Variants in RBM19 observed in about 807,000 individuals in gnomAD.
RBM19 encodes the protein probable RNA-binding protein 19.
In RBM19, 94 loss-of-function variants were observed where a neutral mutation model predicts 116.8. The ratio of observed to expected loss-of-function variants is 0.80; its 90% CI spans 0.68 to 0.95. The LOEUF is 0.95. Ranked by LOEUF, RBM19 falls within the 40% of genes least tolerant of loss-of-function variation. RBM19 has a pLI of 0.00. For missense variants in RBM19, 1,161 were observed against 1,220.7 expected (o/e 0.95, Z 0.73); for synonymous variants, 475 against 494.1 (o/e 0.96, Z 0.51).
At chr12:113,851,734 GTTTTTT>G (rs11361920) in intron 22 of RBM19, among the ~76,000 whole-genome samples, 6 of 144,226 alleles carry the variant, frequency 4.2e-5, no homozygotes, top group Non-Finnish European at 9.0e-5. Flanking sequence ...TTGTGGTAAA[GTTTTTT>G]TTTTTTTTTT....
Position 113,823,174 on chromosome 12 carries a change from G to T in RBM19, c.*50C>A. 1 of 1,547,934 alleles carries T rather than the reference G, an allele frequency of 6.5e-7. No homozygotes were observed. The highest frequency in any genetic ancestry group is 8.8e-7 in the Non-Finnish European group (1 of 1,135,712). On this transcript the variant is annotated 3_prime_UTR_variant, in exon 24 of 24. Transcript: ENST00000261741. ...GGTGGTGAGTGCAGAAGCTGGAGCG[G>T]CTGTCCCGGTCCCCAGGGCCCCGGA...
chr12:113,833,484 G>A (rs1302004098), intron 23 of RBM19, among the ~76,000 whole-genome samples: 1 of 152,176 alleles, frequency 6.6e-6, no homozygotes, highest in Non-Finnish European at 1.5e-5. Flanking sequence ...TACAAGCTGG[G>A]CTTCCTGCCA....
At chr12:113,937,303 C>A in intron 15 of RBM19, 167 bp from the exon 16 acceptor site, 1 of 719,486 alleles carries the variant, frequency 1.4e-6, no homozygotes, top group Non-Finnish European at 2.2e-6. Context: ...TGTCTACTCC[C>A]TGAGGACAAC....
At chr12:113,919,913 C>A (rs1371263736) in intron 19 of RBM19, among the ~76,000 whole-genome samples, 1 of 152,166 alleles carries the variant, frequency 6.6e-6, no homozygotes, top group East Asian at 1.9e-4. Context: ...AGTGTGCTCA[C>A]AGCCCCCTAA....
intron 7 of RBM19, 116 bp from the exon 8 acceptor site, chr12:113,952,706 T>C: frequency 1.2e-6 from 1 of 812,812 alleles, no homozygotes; most frequent in Non-Finnish European, 2.0e-6. Flanking sequence ...CATTCTTTAG[T>C]TTTTCTCTTT....
intron 21 of RBM19, among the ~76,000 whole-genome samples, chr12:113,868,267 T>C (rs1878979325): frequency 6.6e-6 from 1 of 152,222 alleles, no homozygotes; most frequent in Non-Finnish European, 1.5e-5. Context: ...GCCTATGCTC[T>C]CCTTACCTGT....
intron 23 of RBM19, among the ~76,000 whole-genome samples, chr12:113,831,591 C>T (rs887622794): frequency 1.2e-4 from 19 of 152,220 alleles, no homozygotes; most frequent in Admixed American, 8.5e-4. Context: ...GAGAAATGGC[C>T]CGGCACAGCT....
intron 1 of RBM19, among the ~76,000 whole-genome samples, chr12:113,964,106 C>T (rs750424899): frequency 6.6e-6 from 1 of 152,224 alleles, no homozygotes; most frequent in Non-Finnish European, 1.5e-5. Flanking sequence ...AATAAGGACA[C>T]AGGCTTATCC....
intron 22 of RBM19, among the ~76,000 whole-genome samples, chr12:113,852,503 A>T (rs746729450): frequency 6.6e-6 from 1 of 152,252 alleles, no homozygotes; most frequent in Non-Finnish European, 1.5e-5. Flanking sequence ...ACCTGAACAG[A>T]AAAGTGGGGA....
intron 22 of RBM19, among the ~76,000 whole-genome samples, chr12:113,849,279 C>T (rs3782431): frequency 0.07 from 10,678 of 152,308 alleles, 672 homozygotes; most frequent in East Asian, 0.34. Flanking sequence ...AGATCCTCAG[C>T]CTGGTGCTGG....
downstream of RBM19, among the ~76,000 whole-genome samples, chr12:113,818,522 G>A (rs774169133): frequency 6.6e-6 from 1 of 152,236 alleles, no homozygotes; most frequent in Non-Finnish European, 1.5e-5. Flanking sequence ...GACATCTGCT[G>A]GGTGCAGCCC....
chr12:113,918,328 G>T, intron 20 of RBM19, 64 bp downstream of exon 20: 7 of 1,527,470 alleles, frequency 4.6e-6, no homozygotes, highest in Non-Finnish European at 6.4e-6. Context: ...CCTCCAGGGT[G>T]GCCGGCACCA....
chr12:113,823,802 T>C (rs1874625776), intron 23 of RBM19, among the ~76,000 whole-genome samples: 1 of 152,110 alleles, frequency 6.6e-6, no homozygotes, highest in Non-Finnish European at 1.5e-5. Flanking sequence ...TCAGAGAGGC[T>C]GGACCAAGCA....
At chr12:113,871,868 G>A (rs9645767) in intron 21 of RBM19, among the ~76,000 whole-genome samples, 33 of 152,030 alleles carry the variant, frequency 2.2e-4, no homozygotes, top group Non-Finnish European at 4.6e-4. Context: ...GACGGGCCCC[G>A]CGGGGCCGGA....
At chr12:113,837,246 T>TACACACACACACACACACACAC (rs34948952) in intron 23 of RBM19, among the ~76,000 whole-genome samples, 70 of 126,894 alleles carry the variant, frequency 5.5e-4, no homozygotes, top group East Asian at 7.7e-4. Context: ...ATCCTCCTAA[T>TACACACACACACACACACACAC]ACACACACAC....
At chr12:113,942,251 G>C in intron 14 of RBM19, 73 bp downstream of exon 14, 1 of 1,270,234 alleles carries the variant, frequency 7.9e-7, no homozygotes, top group Non-Finnish European at 1.1e-6. Context: ...AAATCCATCT[G>C]CATCTCCCCT....
intron 10 of RBM19, among the ~76,000 whole-genome samples, chr12:113,948,163 C>T (rs772921140): frequency 1.3e-5 from 2 of 152,244 alleles, no homozygotes; most frequent in African/African-American, 2.4e-5. Context: ...CAATCCTCCA[C>T]AACCTACAGC....
At chr12:113,960,714 G>C (rs141602497) in intron 2 of RBM19, among the ~76,000 whole-genome samples, 2,075 of 152,232 alleles carry the variant, frequency 0.014, 15 homozygotes, top group South Asian at 0.023. Context: ...AGGGTAATGT[G>C]GGGCAGTGGC....
intron 21 of RBM19, among the ~76,000 whole-genome samples, chr12:113,884,237 A>G (rs974533704): frequency 7.3e-5 from 11 of 151,162 alleles, no homozygotes; most frequent in Non-Finnish European, 1.3e-4. Context: ...AGTCCATTAT[A>G]GCACCACTGC....
Sources: gnomAD v4.1 joint callset for allele counts (sites outside exome capture counted in the v4.1 genomes callset) on GRCh38, gnomAD v4.1.1 for gene constraint, MANE v1.5 for transcripts, NCBI Gene and HGNC (gene_info 2026-07-23, HGNC 2026-07-21) for gene names.